The following ZC3H7A variants were observed in gnomAD, a reference collection of about 807,000 sequenced individuals.
ZC3H7A encodes zinc finger CCCH-type containing 7A.
Under a neutral mutation model 125.5 loss-of-function variants are expected in ZC3H7A, and 44 were observed. The observed-to-expected ratio is 0.35, with a 90% confidence interval of 0.28 to 0.45. The LOEUF (loss-of-function observed/expected upper bound fraction) is 0.45, where lower values mean the gene tolerates loss of function less well. Ranked by LOEUF, ZC3H7A falls within the 20% of genes least tolerant of loss-of-function variation. The pLI, the probability that ZC3H7A is intolerant of heterozygous loss-of-function variation, is 1.00. For missense variants in ZC3H7A, 977 were observed against 1,170.7 expected, an observed-to-expected ratio of 0.83 and a Z score of 2.41; for synonymous variants, 399 against 391.2, an observed-to-expected ratio of 1.02 and a Z score of -0.23.
At chr16:11,761,715 C>T in intron 18 of ZC3H7A, 195 bp downstream of exon 18, 1 of 874,458 alleles carries the variant, frequency 1.1e-6, no homozygotes, top group Non-Finnish European at 1.7e-6. Context: ...TGATAAAATA[C>T]AGGAAAAAAA....
intron 10 of ZC3H7A, among the ~76,000 whole-genome samples, chr16:11,769,378 C>A (rs1226038855): frequency 6.6e-6 from 1 of 152,074 alleles, no homozygotes; most frequent in African/African-American, 2.4e-5. Context: ...CAAGAAAATT[C>A]TTTATATTCA....
At chr16:11,763,393 G>A in intron 16 of ZC3H7A, 85 bp downstream of exon 16, 1 of 1,379,590 alleles carries the variant, frequency 7.2e-7, no homozygotes. Context: ...ACAGGCATGA[G>A]CCACCACGCC....
At chr16:11,752,600 C>T (rs2052571048) in intron 22 of ZC3H7A, 69 bp downstream of exon 22, 1 of 1,551,002 alleles carries the variant, frequency 6.4e-7, no homozygotes, top group Admixed American at 1.9e-5. Context: ...TATTCCGTGT[C>T]AGCTGACATG....
In ZC3H7A at chr16:11,777,011, C is replaced by T. The variant is rs111228717; in HGVS notation, c.307-102G>A. ...ACAAATTAATACCCCATCCTATTAC[C>T]CTCCCTCTAAACTCCAAGTTAGCAG... On this transcript the variant is annotated intron_variant, in intron 4 of 22. Transcript: ENST00000355758. 7,866 of 900,190 alleles carry T rather than the reference C, an allele frequency of 8.7e-3. 57 individuals carry two copies. The highest frequency in any genetic ancestry group is 0.011 in the Non-Finnish European group (7,015 of 636,656). 55.8% of individuals were successfully genotyped at this position (900,190 alleles called of 1,614,324 possible). A position where few individuals can be genotyped will look rare whatever the true frequency, so the allele number is the denominator to read the frequency against.
At chr16:11,777,832 C>T (rs913850505) in intron 4 of ZC3H7A, among the ~76,000 whole-genome samples, 5 of 151,404 alleles carry the variant, frequency 3.3e-5, no homozygotes, top group African/African-American at 9.7e-5. Flanking sequence ...CCAGCCTGAC[C>T]GACATGGAGA....
chr16:11,781,601 A>G lies in ZC3H7A; in HGVS notation c.69-137T>C, dbSNP rs994993542. ...TATTTCAAAGACTTCCTCCTCCTTT[A>G]CTACCATTATTCACAGATGACTACA... On this transcript the variant is annotated intron_variant, in intron 2 of 22. Coordinates refer to ENST00000355758, the MANE Select transcript of ZC3H7A (RefSeq NM_014153.4). 4.3e-5 allele frequency: 29 copies of G among 669,548 alleles called. No homozygotes were observed. The African/African-American group carries it at 4.8e-4, about 11-fold the overall frequency. 41.5% of individuals were successfully genotyped at this position (669,548 alleles called of 1,614,324 possible). A position where few individuals can be genotyped will look rare whatever the true frequency, so the allele number is the denominator to read the frequency against.
chr16:11,765,450 T>A lies in ZC3H7A; in HGVS notation c.1719+39A>T. 6.4e-7 allele frequency: 1 copy of A among 1,558,046 alleles called. No homozygotes were observed. Among genetic ancestry groups the A allele is most frequent in the East Asian group, 2.3e-5 (1 of 43,758 alleles). ...AGGACAATACCACTGGGCTTGCAAATTCAACTTTACAGTGGAAAATAAGTT... is the reference window on the plus strand; with the variant it reads ...AGGACAATACCACTGGGCTTGCAAAATCAACTTTACAGTGGAAAATAAGTT... On this transcript the variant is annotated intron_variant, in intron 14 of 22. Transcript: ENST00000355758. The surrounding 1 kb of genome is among the most constrained non-coding windows in gnomAD (Gnocchi z 4.8).
chr16:11,761,850 T>C (rs901214081), intron 18 of ZC3H7A, 60 bp downstream of exon 18: 2 of 1,596,302 alleles, frequency 1.3e-6, no homozygotes, highest in African/African-American at 2.7e-5. Flanking sequence ...ATGTGTATAA[T>C]TTTATACCTA....
chr16:11,784,668 A>G (rs909162569), intron 1 of ZC3H7A, among the ~76,000 whole-genome samples: 33 of 152,258 alleles, frequency 2.2e-4, no homozygotes, highest in African/African-American at 7.7e-4. Flanking sequence ...CAGCCTGACC[A>G]ATATGGAGAA....
rs374538553 is a variant in ZC3H7A at position 11,765,615 on chromosome 16, A to G, written c.1593T>C (p.Asp531=). 42 of 1,614,080 alleles carry G rather than the reference A, an allele frequency of 2.6e-5. No homozygotes were observed. Among genetic ancestry groups the G allele is most frequent in the Non-Finnish European group, 3.4e-5 (40 of 1,180,022 alleles). ...CTFAYCQEEI[D]VWTLERKGAF... is the part of the protein sequence containing the mutation. ...CTCCTTTCCGCTCCAGTGTCCACACATCTATCTCCTCTTGGCAATAAGCAA... is the reference window on the plus strand; with the variant it reads ...CTCCTTTCCGCTCCAGTGTCCACACGTCTATCTCCTCTTGGCAATAAGCAA... The change falls in exon 14 of 23, where the codon GAT becomes GAC. Residue 531 remains aspartate (D), a synonymous_variant. Coordinates refer to ENST00000355758, the MANE Select transcript of ZC3H7A (RefSeq NM_014153.4). The surrounding 1 kb of genome is among the most constrained non-coding windows in gnomAD (Gnocchi z 4.8).
chr16:11,756,663 T>G (rs2052654518), intron 20 of ZC3H7A, among the ~76,000 whole-genome samples: 1 of 152,200 alleles, frequency 6.6e-6, no homozygotes, highest in Non-Finnish European at 1.5e-5. Context: ...GAAACCATTA[T>G]AAACAGTATT....
At chr16:11,788,601 T>C (rs2053297675) in intron 1 of ZC3H7A, among the ~76,000 whole-genome samples, 2 of 103,902 alleles carry the variant, frequency 1.9e-5, no homozygotes, top group Non-Finnish European at 4.6e-5. Context: ...ATATATTGCT[T>C]TCTTTTTTTT....
intron 1 of ZC3H7A, among the ~76,000 whole-genome samples, chr16:11,786,805 C>A (rs1040023109): frequency 3.3e-5 from 5 of 152,108 alleles, no homozygotes; most frequent in African/African-American, 1.2e-4. Context: ...ATGCCCAAAC[C>A]CACAATTAAT....
chr16:11,797,066 G>GGC (rs1347331207), intron 1 of ZC3H7A, 58 bp downstream of exon 1: 1 of 144,250 alleles, frequency 6.9e-6, no homozygotes, highest in Non-Finnish European at 1.5e-5. Context: ...GCGCGGGGGG[G>GGC]GCGGGGGCGC....
At chr16:11,762,793 A>G in intron 16 of ZC3H7A, 46 bp from the exon 17 acceptor site, 1 of 1,589,234 alleles carries the variant, frequency 6.3e-7, no homozygotes, top group Non-Finnish European at 8.6e-7. Context: ...TATAAGAACA[A>G]CAGCCCACCA....
At chr16:11,785,683 G>A (rs895668420) in intron 1 of ZC3H7A, among the ~76,000 whole-genome samples, 2 of 151,986 alleles carry the variant, frequency 1.3e-5, no homozygotes, top group East Asian at 3.9e-4. Context: ...GCAGTGGCAC[G>A]ATCTCTGCTC....
rs780920624 is a variant in ZC3H7A at position 11,767,467 on chromosome 16, C to T, written c.1472G>A (p.Arg491His). 14 of 1,609,670 alleles carry T rather than the reference C, an allele frequency of 8.7e-6. No homozygotes were observed. Among genetic ancestry groups the T allele is most frequent in the East Asian group, 4.5e-5 (2 of 44,690 alleles). The change falls in exon 13 of 23, where the codon CGT becomes CAT. Residue 491 changes from arginine to histidine, a missense_variant. By Grantham distance (29) the Arg-to-His change is conservative. Around this residue, in one of 3 missense-constraint regions of ZC3H7A, gnomAD observed 436 missense variants for 603.2 expected, o/e 0.72. Transcript: ENST00000355758. The stretch of plus-strand genomic sequence containing the variant: ...ATAATTTGTTTTTGTTGGTCTTGGA[C>T]GTATTTTTTTCCATGATTTATCTTC... ...NVEDKSWKKI[R>H]PRPTKTNYEG...
At chr16:11,780,282 G>A (rs2053154247) in intron 3 of ZC3H7A, among the ~76,000 whole-genome samples, 4 of 151,612 alleles carry the variant, frequency 2.6e-5, no homozygotes, top group East Asian at 1.9e-4. Flanking sequence ...CACCACACTC[G>A]GCTAATTTTT....
chr16:11,786,848 T>C (rs1009700442), intron 1 of ZC3H7A, among the ~76,000 whole-genome samples: 1 of 152,234 alleles, frequency 6.6e-6, no homozygotes, highest in African/African-American at 2.4e-5. Context: ...CATCTTTATC[T>C]ATCTGCTCAT....
Sources: gnomAD v4.1 joint callset for allele counts (sites outside exome capture counted in the v4.1 genomes callset) on GRCh38, gnomAD v4.1.1 for gene constraint, gnomAD v4.1.1 regional missense constraint, Gnocchi (gnomAD v3.1) non-coding constraint, MANE v1.5 for transcripts, NCBI Gene and HGNC (gene_info 2026-07-23, HGNC 2026-07-21) for gene names.